The following TRIM16 variants were observed in gnomAD, a reference collection of about 807,000 sequenced individuals.
The protein encoded by TRIM16 is tripartite motif containing 16.
TRIM16 carries 33 observed loss-of-function variants against 50.4 expected under a neutral mutation model. The ratio of observed to expected loss-of-function variants is 0.65; its 90% CI spans 0.50 to 0.88. The LOEUF is 0.88. Among genes scored for constraint, TRIM16 ranks in the 40% least tolerant of loss-of-function variants. TRIM16 has a pLI of 0.00. For missense variants in TRIM16, 581 were observed against 686.8 expected, an observed-to-expected ratio of 0.85 and a Z score of 1.72; for synonymous variants, 229 against 270.7, an observed-to-expected ratio of 0.85 and a Z score of 1.51.
intron 7 of TRIM16, among the ~76,000 whole-genome samples, chr17:15,645,200 T>G (rs1447130108): frequency 6.6e-6 from 1 of 152,160 alleles, no homozygotes; most frequent in Admixed American, 6.5e-5. Context: ...CTTCATAGGA[T>G]TAGGAAAGAA....
At chr17:15,658,211 A>T (rs1314178821) in intron 6 of TRIM16, among the ~76,000 whole-genome samples, 1 of 152,236 alleles carries the variant, frequency 6.6e-6, no homozygotes, top group Non-Finnish European at 1.5e-5. Context: ...AAAGGATATA[A>T]GCAATGCCTG....
chr17:15,636,177 G>C lies in TRIM16; in HGVS notation c.708C>G (p.Phe236Leu). ...GCGCAGCTTGCTCCTTCTCCTCTAA[G>C]AAGAGCATCACATTGGCCTGGGCCT... ...VRKAQANVML[F>L]LEEKEQAALS... is the part of the protein sequence containing the mutation. The change falls in exon 9 of 12, where the codon TTC becomes TTG. Residue 236 changes from phenylalanine to leucine, a missense_variant. Physicochemically the swap from Phe to Leu is conservative, Grantham distance 22. Transcript: ENST00000649191. The C allele has an allele frequency of 6.2e-7, 1 of 1,609,726 alleles. No individual in the cohort carries two copies. Among genetic ancestry groups the C allele is most frequent in the Non-Finnish European group, 8.5e-7 (1 of 1,178,836 alleles).
At chr17:15,645,087 T>C (rs1357087794) in intron 7 of TRIM16, among the ~76,000 whole-genome samples, 1 of 152,246 alleles carries the variant, frequency 6.6e-6, no homozygotes, top group Non-Finnish European at 1.5e-5. Context: ...CTGTTGGGAT[T>C]ACAGGCATGA....
chr17:15,629,228 T>C (rs1478010475), intron 11 of TRIM16, 30 bp from the exon 12 acceptor site: 2 of 1,550,104 alleles, frequency 1.3e-6, no homozygotes, highest in Non-Finnish European at 1.7e-6. Flanking sequence ...AGGAGAGTGG[T>C]TCAGGAACTG....
In TRIM16 at chr17:15,651,532, G is replaced by T. The variant is rs1348776937; in HGVS notation, c.78C>A (p.Asp26Glu). 2 of 1,613,794 alleles carry T rather than the reference G, an allele frequency of 1.2e-6. No homozygotes were observed. The highest frequency in any genetic ancestry group is 1.7e-6 in the Non-Finnish European group (2 of 1,179,920). Residue 26 changes from aspartate (D) to glutamate (E), a missense_variant, in exon 7 of 12, where the codon GAC becomes GAA. Transcript: ENST00000649191. ...CAGAATCTGGGCTGGGTGACCCAGAGTCTGGGCTGAGAGGGGCTGGGGGCT... is the reference window on the plus strand; with the variant it reads ...CAGAATCTGGGCTGGGTGACCCAGATTCTGGGCTGAGAGGGGCTGGGGGCT... ...TAQPPAPLSP[D>E]SGSPSPDSGS... is the part of the protein sequence containing the mutation.
intron 7 of TRIM16, among the ~76,000 whole-genome samples, chr17:15,644,191 CTTTG>C (rs947276677): frequency 3.1e-4 from 47 of 152,202 alleles, no homozygotes; most frequent in African/African-American, 1.1e-3. Flanking sequence ...GGGTTTGTGT[CTTTG>C]TTTATTTTGA....
At chr17:15,640,287 G>T (rs1385786650) in intron 8 of TRIM16, among the ~76,000 whole-genome samples, 1 of 148,040 alleles carries the variant, frequency 6.8e-6, no homozygotes, top group Non-Finnish European at 1.5e-5. Context: ...AGCTGGGGAG[G>T]TACAATGGGA....
At chr17:15,683,400 G>C (rs886826033) in intron 1 of TRIM16, 1 of 372,298 alleles carries the variant, frequency 2.7e-6, no homozygotes, top group African/African-American at 2.1e-5. Context: ...ACAGACAACA[G>C]TAAGGATACT....
rs1060903 is a variant in TRIM16 at position 15,628,628 on chromosome 17, C to T, written c.1682G>A (p.Gly561Glu). The change falls in exon 12 of 12, where the codon GGG (glycine) becomes GAG (glutamate). Residue 561 changes from glycine (G) to glutamate (E), a missense_variant. Physicochemically the swap from Gly to Glu is moderately conservative, Grantham distance 98 (BLOSUM62 -2). This residue lies in a region of TRIM16 where 16 missense variants were observed against 35.8 expected (regional missense o/e 0.45). Transcript: ENST00000649191. ...EPEKPAPSLV[G>E]TAP ...GGCTCCTGGAGTCTAGGGAGCAGTCCCCACCAAGGACGGTGCTGGCTTCTC... is the reference window on the plus strand; with the variant it reads ...GGCTCCTGGAGTCTAGGGAGCAGTCTCCACCAAGGACGGTGCTGGCTTCTC... 6.2e-7 allele frequency: 1 copy of T among 1,608,178 alleles called. No homozygotes were observed. Among genetic ancestry groups the T allele is most frequent in the African/African-American group, 1.3e-5 (1 of 74,832 alleles).
At chr17:15,682,327 G>C (rs942510758) in intron 3 of TRIM16, among the ~76,000 whole-genome samples, 1 of 152,194 alleles carries the variant, frequency 6.6e-6, no homozygotes, top group Non-Finnish European at 1.5e-5. Context: ...TCCCCTCCCT[G>C]TACTGGACAC....
At chr17:15,656,853 A>G (rs1988006525) in intron 6 of TRIM16, among the ~76,000 whole-genome samples, 1 of 152,096 alleles carries the variant, frequency 6.6e-6, no homozygotes, top group Non-Finnish European at 1.5e-5. Context: ...CCCAGGCTCA[A>G]GTGATCCTCC....
chr17:15,663,817 C>T lies in TRIM16; in HGVS notation c.-337-11871G>A, dbSNP rs190842153. Reference sequence around the variant, plus strand: ...GAACTCTGGCTGATCCTGTTCACTCCGCTTGCCCACCCCGGGTCAATCCCA... The same window carrying T: ...GAACTCTGGCTGATCCTGTTCACTCTGCTTGCCCACCCCGGGTCAATCCCA... On this transcript the variant is annotated intron_variant, in intron 6 of 11. Transcript: ENST00000649191. Among the ~76,000 whole-genome samples, 440 of 152,292 alleles carry T rather than the reference C, an allele frequency of 2.9e-3. 1 individual carries two copies. The highest frequency in any genetic ancestry group is 0.011 in the South Asian group (53 of 4,828).
chr17:15,651,370 G>T lies in TRIM16; in HGVS notation c.240C>A (p.Cys80Ter). Residue 80 changes from cysteine to a stop codon, truncating the protein, a stop_gained, in exon 7 of 12, where the codon TGC (cysteine) becomes TGA (stop). Transcript: ENST00000649191. LOFTEE classifies it high-confidence loss of function. ...CCTTCACTCTTCTGGTGTCATCAAGGCAGAAGTCACACAGGACCTCTTTCC... is the reference window on the plus strand; with the variant it reads ...CCTTCACTCTTCTGGTGTCATCAAGTCAGAAGTCACACAGGACCTCTTTCC... ...GEGKEVLCDF[C>*]LDDTRRVKAV... The T allele has an allele frequency of 1.2e-6, 2 of 1,614,204 alleles. No individual in the cohort carries two copies. Among genetic ancestry groups the T allele is most frequent in the Non-Finnish European group, 1.7e-6 (2 of 1,180,038 alleles).
At chr17:15,650,920 C>A (rs1453830958) in intron 7 of TRIM16, among the ~76,000 whole-genome samples, 171 bp downstream of exon 7, 1 of 152,176 alleles carries the variant, frequency 6.6e-6, no homozygotes, top group African/African-American at 2.4e-5. Flanking sequence ...TTTCCAAAAC[C>A]AAGTGCAATG....
intron 7 of TRIM16, among the ~76,000 whole-genome samples, chr17:15,646,989 T>C (rs71358346): frequency 2.6e-5 from 4 of 151,052 alleles, no homozygotes; most frequent in Admixed American, 1.3e-4. Flanking sequence ...TTTTTTGAGA[T>C]GGAGTCTTGC....
At chr17:15,665,453 G>A (rs1988456139) in intron 6 of TRIM16, among the ~76,000 whole-genome samples, 1 of 152,202 alleles carries the variant, frequency 6.6e-6, no homozygotes, top group Non-Finnish European at 1.5e-5. Context: ...AGCTTGCCAT[G>A]AGCCGAAATG....
chr17:15,657,247 T>C (rs1199225096), intron 6 of TRIM16, among the ~76,000 whole-genome samples: 2 of 152,162 alleles, frequency 1.3e-5, no homozygotes, highest in Non-Finnish European at 2.9e-5. Context: ...GTTTGTTTGT[T>C]TGTCTTTGAG....
chr17:15,678,017 A>G (rs1177910142), intron 4 of TRIM16, among the ~76,000 whole-genome samples: 1 of 152,146 alleles, frequency 6.6e-6, no homozygotes, highest in East Asian at 1.9e-4. Flanking sequence ...GGAGATCGAG[A>G]CCATCCTGGC....
chr17:15,646,025 C>T (rs1987360219), intron 7 of TRIM16, among the ~76,000 whole-genome samples: 1 of 152,188 alleles, frequency 6.6e-6, no homozygotes, highest in African/African-American at 2.4e-5. Flanking sequence ...TAGCAACAGG[C>T]TCCTACAACA....
Sources: gnomAD v4.1 joint callset for allele counts (sites outside exome capture counted in the v4.1 genomes callset) on GRCh38, gnomAD v4.1.1 for gene constraint, gnomAD v4.1.1 regional missense constraint, MANE v1.5 for transcripts, NCBI Gene and HGNC (gene_info 2026-07-23, HGNC 2026-07-21) for gene names.